Variants in FRMD4A observed in about 807,000 individuals in gnomAD.
FRMD4A encodes FERM domain-containing protein 4A.
A neutral mutation model predicts 129.1 loss-of-function variants in FRMD4A; 29 were observed. The ratio of observed to expected loss-of-function variants is 0.22; its 90% CI spans 0.17 to 0.31. The LOEUF (loss-of-function observed/expected upper bound fraction) is 0.31, where lower values mean the gene tolerates loss of function less well. Ranked by LOEUF, FRMD4A falls within the 10% of genes least tolerant of loss-of-function variation. The pLI, the probability that FRMD4A is intolerant of heterozygous loss-of-function variation, is 1.00. For missense variants in FRMD4A, 1,272 were observed against 1,375.8 expected, an observed-to-expected ratio of 0.92 and a Z score of 1.19; for synonymous variants, 634 against 571.6, an observed-to-expected ratio of 1.11 and a Z score of -1.56.
intron 2 of FRMD4A, among the ~76,000 whole-genome samples, chr10:13,899,012 T>C (rs893751812): frequency 6.6e-5 from 10 of 151,820 alleles, no homozygotes; most frequent in African/African-American, 2.4e-4. Flanking sequence ...GTGAGACCCC[T>C]GTCTCTACAA....
Position 13,657,285 on chromosome 10 carries a change from G to A in FRMD4A, c.2304C>T (p.Tyr768=). The change falls in exon 22 of 25, where the codon TAC becomes TAT. Residue 768 remains tyrosine (Y), a synonymous_variant. Transcript: ENST00000357447. ...HYYPAQMNAN[Y]STLAEDSPSK... is the part of the protein sequence containing the mutation. The stretch of plus-strand genomic sequence containing the variant: ...ACGGCGAGTCCTCGGCCAGCGTGGA[G>A]TAGTTGGCGTTCATCTGCGCCGGGT... The A allele has an allele frequency of 6.2e-7, 1 of 1,608,218 alleles. No individual in the cohort carries two copies. The highest frequency in any genetic ancestry group is 8.5e-7 in the Non-Finnish European group (1 of 1,179,016).
intron 2 of FRMD4A, among the ~76,000 whole-genome samples, chr10:14,242,835 A>G (rs1251667490): frequency 6.6e-6 from 1 of 152,236 alleles, no homozygotes; most frequent in East Asian, 1.9e-4. Context: ...AAAGCTCCTT[A>G]AAAAATTAAA....
intron 2 of FRMD4A, among the ~76,000 whole-genome samples, chr10:14,005,926 C>T (rs2095660634): frequency 1.3e-5 from 2 of 152,156 alleles, no homozygotes; most frequent in Admixed American, 6.5e-5. Context: ...AGGTCTTCCG[C>T]GTCATTAGAT....
intron 2 of FRMD4A, among the ~76,000 whole-genome samples, chr10:14,272,686 T>G (rs904581966): frequency 6.6e-6 from 1 of 152,206 alleles, no homozygotes; most frequent in Non-Finnish European, 1.5e-5. Flanking sequence ...TACATTCCAT[T>G]AAAGTCATGG....
chr10:14,136,257 T>C (rs997212640), intron 2 of FRMD4A, among the ~76,000 whole-genome samples: 1 of 152,124 alleles, frequency 6.6e-6, no homozygotes, highest in African/African-American at 2.4e-5. Flanking sequence ...CAAACCTGCC[T>C]CCCAGTTTAC....
At chr10:14,120,305 G>T (rs1311656376) in intron 2 of FRMD4A, among the ~76,000 whole-genome samples, 1 of 151,418 alleles carries the variant, frequency 6.6e-6, no homozygotes, top group Non-Finnish European at 1.5e-5. Context: ...TTCTTTCTTA[G>T]GTCTAAACTC....
intron 12 of FRMD4A, among the ~76,000 whole-genome samples, chr10:13,714,680 A>G (rs1541011): frequency 0.081 from 12,264 of 152,170 alleles, 616 homozygotes; most frequent in Non-Finnish European, 0.11. Context: ...GGAACCCATG[A>G]TTCCTATAGC....
At chr10:14,290,882 A>G (rs976552744) in intron 2 of FRMD4A, among the ~76,000 whole-genome samples, 2 of 152,146 alleles carry the variant, frequency 1.3e-5, no homozygotes, top group African/African-American at 4.8e-5. Context: ...ATGACTTAGC[A>G]CAATGGCTGG....
At chr10:13,704,382 G>A (rs575555448) in intron 13 of FRMD4A, among the ~76,000 whole-genome samples, 7 of 152,260 alleles carry the variant, frequency 4.6e-5, no homozygotes, top group African/African-American at 9.6e-5. Flanking sequence ...TGCCTGGGAC[G>A]AGACAGCTCT....
chr10:14,248,397 C>T (rs560211326), intron 2 of FRMD4A, among the ~76,000 whole-genome samples: 12 of 152,266 alleles, frequency 7.9e-5, no homozygotes, highest in South Asian at 4.1e-4. Flanking sequence ...GAAATAGTGC[C>T]TTTTTCCAGT....
intron 2 of FRMD4A, among the ~76,000 whole-genome samples, chr10:14,086,703 G>C (rs1836299917): frequency 6.6e-6 from 1 of 152,096 alleles, no homozygotes; most frequent in South Asian, 2.1e-4. Flanking sequence ...TCTTATGAGA[G>C]CTTACTTATA....
intron 2 of FRMD4A, among the ~76,000 whole-genome samples, chr10:14,248,600 T>G (rs1844328015): frequency 6.6e-6 from 1 of 152,226 alleles, no homozygotes; most frequent in Non-Finnish European, 1.5e-5. Flanking sequence ...TTAGGACAGA[T>G]GTTTTATTTA....
Position 13,707,019 on chromosome 10 carries a change from A to G in FRMD4A, c.836+18T>C, listed in dbSNP as rs776033680. ...GAGAGCCACGCCATCCCGCAAGAAA[A>G]GGACTTTTCAAGCTTACCTGCGTGG... On this transcript the variant is annotated intron_variant, in intron 13 of 24. Coordinates refer to ENST00000357447, the MANE Select transcript of FRMD4A (RefSeq NM_018027.5). 2.2e-6 allele frequency: 3 copies of G among 1,368,910 alleles called. No individual in the cohort carries two copies. Among genetic ancestry groups the G allele is most frequent in the Non-Finnish European group, 3.1e-6 (3 of 956,248 alleles). 84.8% of individuals were successfully genotyped at this position (1,368,910 alleles called of 1,614,324 possible).
chr10:13,948,234 T>C (rs756293026), intron 2 of FRMD4A, among the ~76,000 whole-genome samples: 1 of 152,154 alleles, frequency 6.6e-6, no homozygotes, highest in Non-Finnish European at 1.5e-5. Flanking sequence ...TTGCCCAGGC[T>C]GGAGTGCAGT....
chr10:14,140,131 G>C (rs182156859), intron 2 of FRMD4A, among the ~76,000 whole-genome samples: 1 of 151,944 alleles, frequency 6.6e-6, no homozygotes, highest in African/African-American at 2.4e-5. Flanking sequence ...GCATGATCTC[G>C]GCTCACTGCA....
intron 14 of FRMD4A, among the ~76,000 whole-genome samples, chr10:13,699,632 C>T (rs3750879): frequency 1.3e-5 from 2 of 152,108 alleles, no homozygotes; most frequent in East Asian, 1.9e-4. Flanking sequence ...TGGTACAGTG[C>T]GTGGGGGGTC....
chr10:13,686,026 C>T (rs1564608842), intron 15 of FRMD4A, among the ~76,000 whole-genome samples: 1 of 152,246 alleles, frequency 6.6e-6, no homozygotes, highest in African/African-American at 2.4e-5. Context: ...CAAACATGTC[C>T]AGAACCATCC....
At chr10:14,218,621 A>C (rs1317641710) in intron 2 of FRMD4A, among the ~76,000 whole-genome samples, 2 of 152,144 alleles carry the variant, frequency 1.3e-5, no homozygotes, top group Non-Finnish European at 2.9e-5. Context: ...TGGGAGGCCC[A>C]GGTGCGGGGA....
intron 2 of FRMD4A, among the ~76,000 whole-genome samples, chr10:14,032,559 C>A (rs1833296756): frequency 1.3e-5 from 2 of 152,222 alleles, no homozygotes; most frequent in African/African-American, 4.8e-5. Context: ...ACACCCGCGA[C>A]CCCTCCCTCA....
Sources: gnomAD v4.1 joint callset for allele counts (sites outside exome capture counted in the v4.1 genomes callset) on GRCh38, gnomAD v4.1.1 for gene constraint, MANE v1.5 for transcripts, NCBI Gene and HGNC (gene_info 2026-07-23, HGNC 2026-07-21) for gene names.